USP34: variants seen among roughly 807,000 people sequenced by gnomAD.
USP34 encodes the protein ubiquitin specific peptidase 34.
USP34 carries 70 observed loss-of-function variants against 460.3 expected under a neutral mutation model. That is an observed-to-expected ratio of 0.15 (90% confidence interval 0.13 to 0.19). USP34 has a LOEUF of 0.19. USP34 is among the 10% of genes least tolerant of loss of function. The pLI is 1.00. For synonymous variants in USP34, 1,647 were observed against 1,405.3 expected, an observed-to-expected ratio of 1.17 and a Z score of -3.85; for missense variants, 3,985 against 4,236.2, an observed-to-expected ratio of 0.94 and a Z score of 1.65.
intron 1 of USP34, among the ~76,000 whole-genome samples, chr2:61,452,772 G>A (rs531331346): frequency 6.6e-6 from 1 of 151,510 alleles, no homozygotes; most frequent in African/African-American, 2.4e-5. Flanking sequence ...GCACACACCT[G>A]CAGTCAGGAG....
intron 47 of USP34, 74 bp from the exon 48 acceptor site, chr2:61,256,552 C>T: frequency 8.4e-7 from 1 of 1,191,814 alleles, no homozygotes; most frequent in Non-Finnish European, 1.1e-6. Context: ...GTGGCAATTA[C>T]AATTTTGACA....
rs377516169 is a variant in USP34, at chr2:61,344,012, A to G, written c.2303T>C (p.Met768Thr). ...HHHDGHMVDD[M>T]LSADDVSCSS... ...ACAACTGACATCATCTGCACTTAGC[A>G]TATCATCAACCATATGCCTACAAAA... The change falls in exon 16 of 80, where the codon ATG becomes ACG. Residue 768 changes from methionine to threonine, a missense_variant. This residue lies in a region of USP34 where 716 missense variants were observed against 626.2 expected (regional missense o/e 1.14). Coordinates refer to ENST00000398571, the MANE Select transcript of USP34 (RefSeq NM_014709.4). The G allele has an allele frequency of 4.2e-5, 67 of 1,613,692 alleles. No individual in the cohort carries two copies. In the Middle Eastern group the frequency reaches 9.9e-4, roughly 24 times the overall value.
At chr2:61,466,397 C>T (rs1373814134) in intron 1 of USP34, among the ~76,000 whole-genome samples, 2 of 152,076 alleles carry the variant, frequency 1.3e-5, no homozygotes, top group Non-Finnish European at 2.9e-5. Context: ...TGCACTCCAG[C>T]CTGGGCAATG....
chr2:61,295,432 T>C (rs1380648427), intron 30 of USP34, 142 bp from the exon 31 acceptor site: 11 of 866,474 alleles, frequency 1.3e-5, no homozygotes, highest in Non-Finnish European at 1.7e-5. Context: ...AGACTAGGTA[T>C]ATAACTGGCA....
intron 41 of USP34, among the ~76,000 whole-genome samples, chr2:61,274,352 T>G (rs1341772435): frequency 1.3e-5 from 2 of 151,496 alleles, no homozygotes; most frequent in African/African-American, 4.9e-5. Flanking sequence ...ATCATGCCAC[T>G]GCATTCCAGC....
chr2:61,256,251 A>G (rs1688721823), intron 48 of USP34, 133 bp downstream of exon 48: 13 of 765,080 alleles, frequency 1.7e-5, no homozygotes, highest in Non-Finnish European at 4.3e-6. Context: ...AAGTTGCTCC[A>G]TGAGACTGAG....
At chr2:61,424,631 T>C (rs1389913158) in intron 1 of USP34, among the ~76,000 whole-genome samples, 1 of 152,124 alleles carries the variant, frequency 6.6e-6, no homozygotes, top group East Asian at 1.9e-4. Context: ...ATCCCAACAC[T>C]TTGCGAGGCC....
In USP34 at chr2:61,343,807, A is replaced by G; in HGVS notation, c.2500+8T>C. 2 of 1,611,510 alleles carry G rather than the reference A, an allele frequency of 1.2e-6. No individual in the cohort carries two copies. The highest frequency in any genetic ancestry group is 1.7e-6 in the Non-Finnish European group (2 of 1,177,724). Reference sequence around the variant, plus strand: ...AGGTAATATATTTTACTTACTGTAGAGTCTTACCTTGACTAAGATGTTCAT... The same window carrying G: ...AGGTAATATATTTTACTTACTGTAGGGTCTTACCTTGACTAAGATGTTCAT... On this transcript the variant is annotated splice_region_variant and intron_variant, in intron 16 of 79. Coordinates refer to ENST00000398571, the MANE Select transcript of USP34 (RefSeq NM_014709.4).
At chr2:61,377,659 G>A (rs1473575152) in intron 8 of USP34, among the ~76,000 whole-genome samples, 1 of 152,142 alleles carries the variant, frequency 6.6e-6, no homozygotes, top group Non-Finnish European at 1.5e-5. Context: ...TGACGATGCT[G>A]CCAACAACCT....
chr2:61,252,349 G>A (rs1688608682), intron 48 of USP34, among the ~76,000 whole-genome samples: 1 of 152,056 alleles, frequency 6.6e-6, no homozygotes, highest in Admixed American at 6.6e-5. Context: ...CTGGCAAACA[G>A]CATTCAGTTA....
At chr2:61,409,631 T>C (rs1470331691) in intron 2 of USP34, among the ~76,000 whole-genome samples, 1 of 152,110 alleles carries the variant, frequency 6.6e-6, no homozygotes. Context: ...GGAGAATTGT[T>C]TGAACCCAGG....
intron 1 of USP34, among the ~76,000 whole-genome samples, chr2:61,449,087 G>C (rs1695196282): frequency 6.6e-6 from 1 of 152,072 alleles, no homozygotes; most frequent in African/African-American, 2.4e-5. Context: ...AACCTGGGAG[G>C]TGGATGTTGC....
intron 10 of USP34, among the ~76,000 whole-genome samples, chr2:61,364,798 C>G (rs1331055572): frequency 6.6e-6 from 1 of 151,770 alleles, no homozygotes; most frequent in Non-Finnish European, 1.5e-5. Flanking sequence ...TGTGGTGGTG[C>G]GCACGTCTGT....
intron 1 of USP34, among the ~76,000 whole-genome samples, chr2:61,457,201 G>A (rs981904819): frequency 3.3e-5 from 5 of 152,094 alleles, no homozygotes; most frequent in Admixed American, 6.6e-5. Flanking sequence ...TCTTGAGCCT[G>A]GGAGGTCAAG....
chr2:61,373,686 G>C (rs191569399), intron 8 of USP34, among the ~76,000 whole-genome samples: 1 of 152,264 alleles, frequency 6.6e-6, no homozygotes, highest in African/African-American at 2.4e-5. Context: ...CAATACAGCT[G>C]ATTCTTGTTA....
chr2:61,205,382 C>T (rs1431654670), intron 72 of USP34, among the ~76,000 whole-genome samples: 1 of 152,126 alleles, frequency 6.6e-6, no homozygotes, highest in Non-Finnish European at 1.5e-5. Context: ...TGCTTGTGTG[C>T]CCTTCCCCTC....
intron 68 of USP34, 97 bp downstream of exon 68, chr2:61,213,963 G>C (rs572248233): frequency 7.2e-7 from 1 of 1,381,376 alleles, no homozygotes; most frequent in Non-Finnish European, 9.9e-7. Flanking sequence ...AGAATGGTGA[G>C]ACTATTCTAT....
At chr2:61,271,320 C>G (rs1220905722) in intron 41 of USP34, among the ~76,000 whole-genome samples, 1 of 152,112 alleles carries the variant, frequency 6.6e-6, no homozygotes, top group African/African-American at 2.4e-5. Context: ...CTAATCATGT[C>G]AATGCAATCT....
intron 5 of USP34, among the ~76,000 whole-genome samples, chr2:61,385,136 C>G (rs945468842): frequency 3.3e-5 from 5 of 151,986 alleles, no homozygotes; most frequent in African/African-American, 4.8e-5. Context: ...AAACGATTCC[C>G]TTAAGAACAG....
Sources: allele counts gnomAD v4.1 joint callset (sites outside exome capture counted in the v4.1 genomes callset), GRCh38; gene constraint gnomAD v4.1.1; regional missense constraint gnomAD v4.1.1; transcripts MANE v1.5; gene names NCBI Gene and HGNC (gene_info 2026-07-23, HGNC 2026-07-21).